Variants in LCP2 observed in about 807,000 individuals in gnomAD.
LCP2 encodes the protein 76 kDa tyrosine phosphoprotein.
A neutral mutation model predicts 74.5 loss-of-function variants in LCP2; 29 were observed. The ratio of observed to expected loss-of-function variants is 0.39; its 90% CI spans 0.29 to 0.53. The LOEUF (loss-of-function observed/expected upper bound fraction) is 0.53. LCP2 is among the 20% of genes least tolerant of loss of function. LCP2 has a pLI of 0.72. For missense variants in LCP2, 604 were observed against 634.6 expected (o/e 0.95, Z 0.52); for synonymous variants, 228 against 229.5 (o/e 0.99, Z 0.06).
chr5:170,250,999 C>A, intron 19 of LCP2, 114 bp from the exon 20 acceptor site: 3 of 769,306 alleles, frequency 3.9e-6, no homozygotes, highest in East Asian at 2.6e-5. Flanking sequence ...TTGCACTTTG[C>A]AGCTTCTTGA....
chr5:170,268,911 C>CTGCATATATATGCACACACA (rs1761835378), intron 7 of LCP2, among the ~76,000 whole-genome samples: 1 of 143,712 alleles, frequency 7.0e-6, no homozygotes, highest in African/African-American at 2.9e-5. Flanking sequence ...ATGCACACAC[C>CTGCATATATATGCACACACA]TGCATACACA....
In LCP2 at chr5:170,247,206, G is replaced by A. The variant is rs1395019739; in HGVS notation, c.*1491C>T. The A allele has an allele frequency of 6.6e-6, 1 of 152,166 alleles. No homozygotes were observed. The highest frequency in any genetic ancestry group is 1.5e-5 in the Non-Finnish European group (1 of 68,032). 9.4% of individuals were successfully genotyped at this position (152,166 alleles called of 1,614,324 possible). ...GTAAATACTTGCTGAATAGCCCGTT[G>A]TGTAGACGTGTAAATGAATGCAGGG... On this transcript the variant is annotated 3_prime_UTR_variant, in exon 21 of 21. Coordinates refer to ENST00000046794, the MANE Select transcript of LCP2 (RefSeq NM_005565.5).
chr5:170,255,093 TG>T (rs1761525525), intron 17 of LCP2, among the ~76,000 whole-genome samples: 1 of 152,218 alleles, frequency 6.6e-6, no homozygotes, highest in Non-Finnish European at 1.5e-5. Context: ...GGGACTCAGA[TG>T]GCTACAGAGG....
At chr5:170,263,230 A>C (rs2113168029) in intron 10 of LCP2, among the ~76,000 whole-genome samples, 1 of 152,356 alleles carries the variant, frequency 6.6e-6, no homozygotes, top group Middle Eastern at 3.4e-3. Flanking sequence ...CTTTGTGTAC[A>C]TACAAGTAGT....
chr5:170,292,930 A>C (rs755210797), intron 2 of LCP2, among the ~76,000 whole-genome samples: 4 of 152,210 alleles, frequency 2.6e-5, no homozygotes, highest in Admixed American at 6.5e-5. Context: ...AATTGAAACA[A>C]TGAGGGTGAT....
At chr5:170,262,607 A>G (rs368182173) in intron 13 of LCP2, 28 bp downstream of exon 13, 2 of 1,549,986 alleles carry the variant, frequency 1.3e-6, no homozygotes, top group African/African-American at 1.4e-5. Flanking sequence ...ACTGTGAGTG[A>G]CAAGCTCAAG....
intron 13 of LCP2, among the ~76,000 whole-genome samples, chr5:170,262,237 C>A (rs111689736): frequency 0.026 from 3,974 of 152,184 alleles, 172 homozygotes; most frequent in African/African-American, 0.088. Context: ...AAGACACTTG[C>A]GGTGACCTGA....
chr5:170,260,282 G>A (rs891669123), intron 14 of LCP2, among the ~76,000 whole-genome samples: 13 of 152,168 alleles, frequency 8.5e-5, no homozygotes, highest in Non-Finnish European at 7.4e-5. Flanking sequence ...GCCTCCATAA[G>A]ATCTCAGCAC....
At chr5:170,257,220 G>A in intron 16 of LCP2, among the ~76,000 whole-genome samples, 1 of 152,188 alleles carries the variant, frequency 6.6e-6, no homozygotes, top group Non-Finnish European at 1.5e-5. Flanking sequence ...ATGAAGGATG[G>A]GGTTGGGGCT....
rs117747194 is a variant in LCP2, at chr5:170,286,015, C to T, written c.188+1955G>A. Among the ~76,000 whole-genome samples, 151 of 152,324 alleles carry T rather than the reference C, an allele frequency of 9.9e-4. 4 individuals carry two copies. In the East Asian group the frequency reaches 0.025, roughly 25 times the overall value. ...TTCACCGCCTTTGTTTTCCATCCCT[C>T]GGTGTCTGATGCTCAATGTCTTGAA... On this transcript the variant is annotated intron_variant, in intron 3 of 20. Transcript: ENST00000046794.
chr5:170,267,825 G>C (rs543550582), intron 8 of LCP2, among the ~76,000 whole-genome samples: 59 of 152,144 alleles, frequency 3.9e-4, no homozygotes, highest in African/African-American at 1.3e-3. Flanking sequence ...CTCAAAAGAA[G>C]GTCTTCAAAT....
intron 2 of LCP2, among the ~76,000 whole-genome samples, chr5:170,289,846 T>G (rs1187200923): frequency 1.3e-5 from 2 of 150,456 alleles, no homozygotes; most frequent in Non-Finnish European, 3.0e-5. Context: ...TTGAGTGTGG[T>G]GTGAGGAGTT....
intron 17 of LCP2, among the ~76,000 whole-genome samples, chr5:170,255,028 C>G (rs1761524516): frequency 6.6e-6 from 1 of 152,210 alleles, no homozygotes. Flanking sequence ...ATCACAGACT[C>G]ATAAAACTGG....
chr5:170,257,546 T>C (rs1428397923), intron 16 of LCP2, among the ~76,000 whole-genome samples: 1 of 152,106 alleles, frequency 6.6e-6, no homozygotes, highest in Non-Finnish European at 1.5e-5. Context: ...CTCCTGTTCA[T>C]GCATCTGCCC....
chr5:170,273,041 T>TAA (rs10675735), intron 6 of LCP2, among the ~76,000 whole-genome samples: 55,678 of 147,390 alleles, frequency 0.38, 11,352 homozygotes, highest in Middle Eastern at 0.59. Flanking sequence ...ATAAACTCCT[T>TAA]AAAAAAAAAA....
At chr5:170,258,237 G>C (rs948599701) in intron 15 of LCP2, 71 bp from the exon 16 acceptor site, 1 of 1,528,148 alleles carries the variant, frequency 6.5e-7, no homozygotes, top group Non-Finnish European at 9.0e-7. Flanking sequence ...TTCCATAACC[G>C]CCCCCCAGTT....
chr5:170,288,178 T>C (rs1173319576), intron 2 of LCP2, among the ~76,000 whole-genome samples, 162 bp from the exon 3 acceptor site: 1 of 110,554 alleles, frequency 9.0e-6, no homozygotes, highest in African/African-American at 3.5e-5. Flanking sequence ...AGGCAGCCTC[T>C]AGATGTTTTG....
At chr5:170,266,376 C>G (rs1761756922) in intron 10 of LCP2, among the ~76,000 whole-genome samples, 1 of 152,204 alleles carries the variant, frequency 6.6e-6, no homozygotes, top group South Asian at 2.1e-4. Flanking sequence ...AACTAACATC[C>G]CTGTGGTCTG....
chr5:170,270,170 C>CA (rs1275474369), intron 7 of LCP2, among the ~76,000 whole-genome samples: 1 of 152,160 alleles, frequency 6.6e-6, no homozygotes, highest in Non-Finnish European at 1.5e-5. Flanking sequence ...GGGCTCCCAG[C>CA]AGATCAACAA....
Sources: gnomAD v4.1 joint callset for allele counts (sites outside exome capture counted in the v4.1 genomes callset) on GRCh38, gnomAD v4.1.1 for gene constraint, MANE v1.5 for transcripts, NCBI Gene and HGNC (gene_info 2026-07-23, HGNC 2026-07-21) for gene names.